Variants in BARD1 observed in about 807,000 individuals in gnomAD.
BARD1 encodes BRCA1 associated RING domain 1, also known as BRCA1-associated RING domain protein 1.
In BARD1, 73 loss-of-function variants were observed where a neutral mutation model predicts 77.0. The ratio of observed to expected loss-of-function variants is 0.95; its 90% confidence interval spans 0.79 to 1.15. The LOEUF is 1.15. Among genes scored for constraint, BARD1 ranks in the 50% most tolerant of loss-of-function variants. The pLI, the probability that BARD1 is intolerant of heterozygous loss-of-function variation, is 0.00. For synonymous variants in BARD1, 384 were observed against 338.0 expected (o/e 1.14, Z -1.49); for missense variants, 993 against 938.8 (o/e 1.06, Z -0.75).
chr2:214,787,665 C>T (rs1299601845), intron 3 of BARD1, among the ~76,000 whole-genome samples: 1 of 151,920 alleles, frequency 6.6e-6, no homozygotes, highest in African/African-American at 2.4e-5. Context: ...GAATTCCATT[C>T]TCTGAATTTC....
rs143739903 is a variant in BARD1, at chr2:214,775,550, T to C, written c.1314+5010A>G. On this transcript the variant is annotated intron_variant, in intron 4 of 10. Transcript: ENST00000260947. ...AATAGTGAAAATATCTGAAATATTG[T>C]GAGAATTACCAAAATGTGACACAGA... 3.7e-3 allele frequency among the ~76,000 whole-genome samples: 568 copies of C among 152,184 alleles called. 6 individuals are homozygous for C. Among genetic ancestry groups the C allele is most frequent in the African/African-American group, 0.013 (547 of 41,544 alleles).
rs1695782220 is a variant in BARD1, at chr2:214,796,969, A to G, written c.215+92T>C. 5.9e-6 allele frequency: 6 copies of G among 1,016,508 alleles called. No homozygotes were observed. The Admixed American group carries it at 1.0e-4, about 17-fold the overall frequency. 63.0% of individuals were successfully genotyped at this position (1,016,508 alleles called of 1,614,324 possible). On this transcript the variant is annotated intron_variant, in intron 2 of 10. Coordinates refer to ENST00000260947, the MANE Select transcript of BARD1 (RefSeq NM_000465.4). ...TTTGCAGACTTTGAAAGTTACACAA[A>G]CATCAAGTACCATTATTATCAACAA...
Position 214,752,560 on chromosome 2 carries a change from T to C in BARD1, c.1569-5A>G, listed in dbSNP as rs1402208859. On this transcript the variant is annotated splice_polypyrimidine_tract_variant and splice_region_variant and intron_variant, in intron 6 of 10. Transcript: ENST00000260947. ...GGCCGCAGACCAAATATATTACTGG[T>C]AAAATAAGTGCAGATGTGTTTAAGT... The C allele has an allele frequency of 6.2e-7, 1 of 1,606,958 alleles. No homozygotes were observed. The highest frequency in any genetic ancestry group is 1.7e-5 in the Admixed American group (1 of 59,950).
At chr2:214,783,721 C>A (rs1695144831) in intron 3 of BARD1, among the ~76,000 whole-genome samples, 1 of 152,068 alleles carries the variant, frequency 6.6e-6, no homozygotes, top group African/African-American at 2.4e-5. Flanking sequence ...TGCCACACAT[C>A]TACAACCATC....
At chr2:214,735,393 CTT>C (rs1692527458) in intron 9 of BARD1, among the ~76,000 whole-genome samples, 1 of 152,184 alleles carries the variant, frequency 6.6e-6, no homozygotes, top group Admixed American at 6.6e-5. Context: ...TGGGGACACA[CTT>C]GTTTGTCAAC....
In BARD1 at chr2:214,727,829, A is replaced by G. The variant is rs1386658953; in HGVS notation, c.*847T>C. 1.8e-5 allele frequency: 4 copies of G among 223,064 alleles called. No homozygotes were observed. Among genetic ancestry groups the G allele is most frequent in the African/African-American group, 8.9e-5 (4 of 44,816 alleles). 13.8% of individuals were successfully genotyped at this position (223,064 alleles called of 1,614,324 possible). ...AATACCAACAAGGTTTACCAGAAGAAGACTGCTTCTTAATTTAAAGTAATG... is the reference window on the plus strand; with the variant it reads ...AATACCAACAAGGTTTACCAGAAGAGGACTGCTTCTTAATTTAAAGTAATG... On this transcript the variant is annotated 3_prime_UTR_variant, in exon 11 of 11. Transcript: ENST00000260947.
intron 3 of BARD1, among the ~76,000 whole-genome samples, chr2:214,787,175 C>T (rs1695310978): frequency 6.6e-6 from 1 of 151,582 alleles, no homozygotes; most frequent in Admixed American, 6.6e-5. Context: ...TAGAATTGAG[C>T]TTTTAAAGGA....
chr2:214,743,879 T>C (rs960852455), intron 9 of BARD1, among the ~76,000 whole-genome samples: 1 of 152,202 alleles, frequency 6.6e-6, no homozygotes, highest in Non-Finnish European at 1.5e-5. Flanking sequence ...TGGTTATAAA[T>C]GCACTTGTTT....
In BARD1 at chr2:214,730,468, T is replaced by C; in HGVS notation, c.1944A>G (p.Glu648=). 2 of 1,614,036 alleles carry C rather than the reference T, an allele frequency of 1.2e-6. No individual in the cohort carries two copies. The highest frequency in any genetic ancestry group is 1.7e-6 in the Non-Finnish European group (2 of 1,179,984). The part of the protein sequence containing the change: ...ACLRRKVCEQ[E]EKYEIPEGPR... Reference sequence around the variant, plus strand: ...GACCTTCAGGAATTTCATACTTTTCTTCCTGTTCACATACTTTTCTTCGTA... The same window carrying C: ...GACCTTCAGGAATTTCATACTTTTCCTCCTGTTCACATACTTTTCTTCGTA... Residue 648 remains glutamate, a synonymous_variant, in exon 10 of 11, where the codon GAA becomes GAG. Transcript: ENST00000260947.
Position 214,728,680 on chromosome 2 carries a change from C to T in BARD1, c.2330G>A (p.Ser777Asn), listed in dbSNP as rs1692188685. Residue 777 changes from serine to asparagine, a missense_variant, in exon 11 of 11, where the codon AGC becomes AAC. Transcript: ENST00000260947. ...VMSFELLPLD[S>N] ...AATGTTCATCTGGTATAATATTCAG[C>T]TGTCAAGAGGAAGCAACTCAAAGGA... is the stretch of plus-strand genomic sequence containing the variant. The T allele has an allele frequency of 6.2e-7, 1 of 1,614,080 alleles. No individual in the cohort carries two copies. Among genetic ancestry groups the T allele is most frequent in the Non-Finnish European group, 8.5e-7 (1 of 1,179,990 alleles).
chr2:214,783,038 C>G (rs1695111870), intron 3 of BARD1, among the ~76,000 whole-genome samples: 1 of 152,100 alleles, frequency 6.6e-6, no homozygotes, highest in Admixed American at 6.6e-5. Context: ...AAAGTTGTTC[C>G]TCCATATTAT....
intron 2 of BARD1, among the ~76,000 whole-genome samples, chr2:214,793,337 C>G (rs1695616543): frequency 6.6e-6 from 1 of 151,810 alleles, no homozygotes; most frequent in Middle Eastern, 3.4e-3. Context: ...GAATGTAACT[C>G]AAAAAAAATT....
In BARD1 at chr2:214,726,650, T is replaced by A. The variant is rs983710127; in HGVS notation, c.*2026A>T. 8.7e-6 allele frequency: 2 copies of A among 229,912 alleles called. No homozygotes were observed. Among genetic ancestry groups the A allele is most frequent in the African/African-American group, 4.4e-5 (2 of 45,182 alleles). 14.2% of individuals were successfully genotyped at this position (229,912 alleles called of 1,614,324 possible). A position where few individuals can be genotyped will look rare whatever the true frequency, so the allele number is the denominator to read the frequency against. Reference sequence around the variant, plus strand: ...AGGTATATGGAAACACAAATAACTTTAATGATTTGTGGTAAAAAAGAAGGA... The same window carrying A: ...AGGTATATGGAAACACAAATAACTTAAATGATTTGTGGTAAAAAAGAAGGA... On this transcript the variant is annotated 3_prime_UTR_variant, in exon 11 of 11. Transcript: ENST00000260947.
intron 2 of BARD1, 134 bp downstream of exon 2, chr2:214,796,927 A>C (rs1574846845): frequency 1.3e-6 from 1 of 759,238 alleles, no homozygotes; most frequent in East Asian, 2.5e-5. Flanking sequence ...AAACTAAGAT[A>C]ATGTACAATA....
At chr2:214,771,189 T>C (rs1339719178) in intron 4 of BARD1, among the ~76,000 whole-genome samples, 1 of 152,110 alleles carries the variant, frequency 6.6e-6, no homozygotes, top group African/African-American at 2.4e-5. Flanking sequence ...CCTAAGTCCA[T>C]GACGATAAAG....
At chr2:214,803,501 C>A (rs1035752599) in intron 1 of BARD1, among the ~76,000 whole-genome samples, 1 of 152,206 alleles carries the variant, frequency 6.6e-6, no homozygotes, top group Non-Finnish European at 1.5e-5. Context: ...AGCAATACTG[C>A]TTTGTAAAGC....
intron 1 of BARD1, among the ~76,000 whole-genome samples, chr2:214,807,505 T>G (rs1289987060): frequency 6.6e-6 from 1 of 152,238 alleles, no homozygotes; most frequent in South Asian, 2.1e-4. Context: ...TATTTATCAT[T>G]TATTCTATCA....
chr2:214,768,419 T>G (rs1004040378), intron 5 of BARD1, among the ~76,000 whole-genome samples: 1 of 150,818 alleles, frequency 6.6e-6, no homozygotes, highest in Non-Finnish European at 1.5e-5. Flanking sequence ...TTACTACAAC[T>G]TGCCTTAGTG....
intron 9 of BARD1, among the ~76,000 whole-genome samples, chr2:214,743,306 C>T (rs1435127072): frequency 6.6e-6 from 1 of 152,196 alleles, no homozygotes; most frequent in Non-Finnish European, 1.5e-5. Context: ...ATCAGGCATT[C>T]TACCATAAAA....
Sources: gnomAD v4.1 joint callset for allele counts (sites outside exome capture counted in the v4.1 genomes callset) on GRCh38, gnomAD v4.1.1 for gene constraint, MANE v1.5 for transcripts, NCBI Gene and HGNC (gene_info 2026-07-23, HGNC 2026-07-21) for gene names.